Variants in PARP14 observed in about 807,000 individuals in gnomAD.
PARP14 encodes protein mono-ADP-ribosyltransferase PARP14.
In PARP14, 59 loss-of-function variants were observed where a neutral mutation model predicts 154.2. The ratio of observed to expected loss-of-function variants is 0.38; its 90% CI spans 0.31 to 0.48. The LOEUF (loss-of-function observed/expected upper bound fraction) is 0.48, where lower values mean the gene tolerates loss of function less well. Ranked by LOEUF, PARP14 falls within the 20% of genes least tolerant of loss-of-function variation. PARP14 has a pLI of 0.98. For synonymous variants in PARP14, 720 were observed against 780.5 expected (o/e 0.92, Z 1.29); for missense variants, 1,734 against 2,131.6 (o/e 0.81, Z 3.67).
intron 3 of PARP14, among the ~76,000 whole-genome samples, chr3:122,689,944 T>A (rs1938487817): frequency 6.6e-6 from 1 of 152,250 alleles, no homozygotes. Context: ...AATTGTCTGA[T>A]GCAGTTGCAG....
Position 122,729,434 on chromosome 3 carries a change from C to CTTT in PARP14, c.*852_*854dup, listed in dbSNP as rs35035581. The CTTT allele has an allele frequency of 7.5e-5, 10 of 133,900 alleles. No individual in the cohort carries two copies. The highest frequency in any genetic ancestry group is 9.4e-5 in the Non-Finnish European group (6 of 63,880). The allele number at this position is 133,900 out of a possible 1,614,324, so 8.3% of individuals were successfully genotyped here. On this transcript the variant is annotated 3_prime_UTR_variant, in exon 17 of 17. Coordinates refer to ENST00000474629, the MANE Select transcript of PARP14 (RefSeq NM_017554.3). The stretch of plus-strand genomic sequence containing the variant: ...TTTTTAATGCTGAACCAAAATGTGC[C>CTTT]TTTTTTTTTTTTTTTTTGAGATGGA...
chr3:122,691,311 C>G (rs1378539335), intron 3 of PARP14, among the ~76,000 whole-genome samples: 1 of 152,148 alleles, frequency 6.6e-6, no homozygotes, highest in African/African-American at 2.4e-5. Context: ...CACAGAATGC[C>G]TAAAGATCAG....
chr3:122,700,916 G>T lies in PARP14; in HGVS notation c.2362G>T (p.Ala788Ser), dbSNP rs373934042. The T allele has an allele frequency of 5.2e-5, 84 of 1,613,886 alleles. No individual in the cohort carries two copies. The highest frequency in any genetic ancestry group is 6.6e-5 in the Non-Finnish European group (78 of 1,179,874). The change falls in exon 6 of 17, where the codon GCT (alanine) becomes TCT (serine). Residue 788 changes from alanine to serine, a missense_variant. Ala to Ser is a moderately conservative substitution (Grantham distance 99). Transcript: ENST00000474629. Reference sequence around the variant, plus strand: ...AGTAATGAAGGAGGGAGGCAGCCCCGCTGGGCAGAAGTGCTTCTCTCGGAC... The same window carrying T: ...AGTAATGAAGGAGGGAGGCAGCCCCTCTGGGCAGAAGTGCTTCTCTCGGAC... ...NEVMKEGGSP[A>S]GQKCFSRTVL...
chr3:122,716,832 A>G (rs1347901943), intron 12 of PARP14, among the ~76,000 whole-genome samples: 1 of 152,144 alleles, frequency 6.6e-6, no homozygotes, highest in South Asian at 2.1e-4. Flanking sequence ...TATACCCATT[A>G]CATAGTTCCA....
In PARP14 at chr3:122,685,337, T is replaced by G; in HGVS notation, c.321+19T>G. On this transcript the variant is annotated intron_variant, in intron 2 of 16. Transcript: ENST00000474629. ...AACAAAAGCAAGTAAACTTTAGGCA[T>G]GAATAAAAGGGATTTAGGTCTCCCA... 1.2e-6 allele frequency: 2 copies of G among 1,610,976 alleles called. No homozygotes were observed. The highest frequency in any genetic ancestry group is 1.7e-6 in the Non-Finnish European group (2 of 1,178,148).
Position 122,699,684 on chromosome 3 carries a change from G to T in PARP14, c.1130G>T (p.Arg377Ile). The T allele has an allele frequency of 6.2e-7, 1 of 1,614,056 alleles. No homozygotes were observed. Among genetic ancestry groups the T allele is most frequent in the South Asian group, 1.1e-5 (1 of 91,086 alleles). Residue 377 changes from arginine to isoleucine, a missense_variant, in exon 6 of 17, where the codon AGA becomes ATA. Transcript: ENST00000474629. ...RPAATLVNEG[R>I]PRIKTWQADT... Reference sequence around the variant, plus strand: ...GCAGCCACCTTAGTCAATGAAGGAAGACCGAGAATCAAGACCTGGCAGGCA... The same window carrying T: ...GCAGCCACCTTAGTCAATGAAGGAATACCGAGAATCAAGACCTGGCAGGCA...
chr3:122,701,430 T>C lies in PARP14; in HGVS notation c.2876T>C (p.Leu959Pro). The stretch of plus-strand genomic sequence containing the variant: ...GGACACTGCTTGAAAGAAATCTACC[T>C]TGTGGATGTATCTGAGAAGACTGTT... ...KDGHCLKEIY[L>P]VDVSEKTVEA... Residue 959 changes from leucine to proline, a missense_variant, in exon 6 of 17, where the codon CTT becomes CCT. Coordinates refer to ENST00000474629, the MANE Select transcript of PARP14 (RefSeq NM_017554.3). This position sits in a 1 kb window ranked among gnomAD's most constrained non-coding sequence, Gnocchi z 4.0. 6.2e-7 allele frequency: 1 copy of C among 1,613,988 alleles called. No individual in the cohort carries two copies. The highest frequency in any genetic ancestry group is 8.5e-7 in the Non-Finnish European group (1 of 1,179,870).
At chr3:122,723,332 A>G (rs932050222) in intron 15 of PARP14, among the ~76,000 whole-genome samples, 14 of 152,182 alleles carry the variant, frequency 9.2e-5, no homozygotes, top group Admixed American at 9.2e-4. Context: ...CGGTTTGGAC[A>G]TTATGTCTCC....
chr3:122,722,337 T>G (rs372157991), intron 15 of PARP14: 1 of 152,218 alleles, frequency 6.6e-6, no homozygotes, highest in African/African-American at 2.4e-5. Flanking sequence ...ATTTCTGAGA[T>G]AACAAGTAAG....
At chr3:122,686,276 C>A (rs557854543) in intron 2 of PARP14, among the ~76,000 whole-genome samples, 11 of 152,166 alleles carry the variant, frequency 7.2e-5, no homozygotes, top group Admixed American at 6.5e-5. Context: ...ACCTCAGCCT[C>A]CCCAGTAGCT....
intron 12 of PARP14, among the ~76,000 whole-genome samples, chr3:122,716,886 A>T (rs578140119): frequency 6.6e-6 from 1 of 152,234 alleles, no homozygotes; most frequent in Non-Finnish European, 1.5e-5. Context: ...TCACCTGTTG[A>T]TCACCTGTTC....
chr3:122,713,044 C>G (rs1473693337), intron 9 of PARP14, among the ~76,000 whole-genome samples: 1 of 152,190 alleles, frequency 6.6e-6, no homozygotes, highest in African/African-American at 2.4e-5. Context: ...GAAAACTGCC[C>G]CACTTAGCAG....
At chr3:122,689,783 C>T (rs1651446235) in intron 3 of PARP14, among the ~76,000 whole-genome samples, 1 of 152,148 alleles carries the variant, frequency 6.6e-6, no homozygotes, top group Admixed American at 6.5e-5. Context: ...CCATCCTTTT[C>T]ATGGAAACCT....
rs984224188 is a variant in PARP14, at chr3:122,681,631, C to T, written c.187+561C>T. Among the ~76,000 whole-genome samples, 1 of 152,158 alleles carries T rather than the reference C, an allele frequency of 6.6e-6. No individual in the cohort carries two copies. The highest frequency in any genetic ancestry group is 1.5e-5 in the Non-Finnish European group (1 of 68,024). On this transcript the variant is annotated intron_variant, in intron 1 of 16. Coordinates refer to ENST00000474629, the MANE Select transcript of PARP14 (RefSeq NM_017554.3). This position sits in a 1 kb window ranked among gnomAD's most constrained non-coding sequence, Gnocchi z 5.5. The stretch of plus-strand genomic sequence containing the variant: ...CGGCCACATTGGAGGGGCTGTCGAT[C>T]GACCACAGGTGCCCATTGTCGAGGG...
rs34257572 is a variant in PARP14 at position 122,714,151 on chromosome 3, G to GTT, written c.3833-100_3833-99dup. On this transcript the variant is annotated intron_variant, in intron 11 of 16. Transcript: ENST00000474629. ...TTCCATCAAAGATAGTATTTCAGGA[G>GTT]TTTTTTTTTTTTCACAAAATGCTTA... 7.2e-3 allele frequency: 5,528 copies of GTT among 768,886 alleles called. 3 individuals carry two copies. The highest frequency in any genetic ancestry group is 0.01 in the East Asian group (319 of 30,886). 47.6% of individuals were successfully genotyped at this position (768,886 alleles called of 1,614,324 possible).
rs60420136 is a variant in PARP14 at position 122,707,380 on chromosome 3, CAAAT to C, written c.3541-774_3541-771del. On this transcript the variant is annotated intron_variant, in intron 8 of 16. Transcript: ENST00000474629. The stretch of plus-strand genomic sequence containing the variant: ...TGGGTGACAGAATGAGACTCCATCT[CAAAT>C]AAATAAATAAATAAATAAATAAATA... 1.1e-3 allele frequency among the ~76,000 whole-genome samples: 154 copies of C among 139,678 alleles called. 1 individual carries two copies. Among genetic ancestry groups the C allele is most frequent in the East Asian group, 7.5e-3 (36 of 4,796 alleles). 91.6% of individuals were successfully genotyped at this position (139,678 alleles called of 152,430 possible).
At chr3:122,712,402 C>G (rs1282499630) in intron 9 of PARP14, among the ~76,000 whole-genome samples, 1 of 152,108 alleles carries the variant, frequency 6.6e-6, no homozygotes, top group Non-Finnish European at 1.5e-5. Context: ...GCCACCACGC[C>G]CAGCTAAGTT....
At chr3:122,694,297 A>G (rs1454483542) in intron 4 of PARP14, among the ~76,000 whole-genome samples, 2 of 152,134 alleles carry the variant, frequency 1.3e-5, no homozygotes, top group African/African-American at 4.8e-5. Context: ...TTCCCTATCC[A>G]TCTGGTAAAC....
In PARP14 at chr3:122,701,233, T is replaced by C; in HGVS notation, c.2679T>C (p.Cys893=). 1.2e-6 allele frequency: 2 copies of C among 1,613,606 alleles called. No individual in the cohort carries two copies. The highest frequency in any genetic ancestry group is 1.7e-6 in the Non-Finnish European group (2 of 1,179,740). The change falls in exon 6 of 17, where the codon TGT becomes TGC. Residue 893 remains cysteine, a synonymous_variant. Transcript: ENST00000474629. This position sits in a 1 kb window ranked among gnomAD's most constrained non-coding sequence, Gnocchi z 4.0. ...PRWSGYEAPR[C]VYLLRRAVQL... The stretch of plus-strand genomic sequence containing the variant: ...GGAGCGGATATGAGGCCCCGAGGTG[T>C]GTGTACCTATTAAGGAGAGCTGTGC...
Sources: gnomAD v4.1 joint callset for allele counts (sites outside exome capture counted in the v4.1 genomes callset) on GRCh38, gnomAD v4.1.1 for gene constraint, Gnocchi (gnomAD v3.1) non-coding constraint, MANE v1.5 for transcripts, NCBI Gene and HGNC (gene_info 2026-07-23, HGNC 2026-07-21) for gene names.